PDE10A: variants seen among roughly 807,000 people sequenced by gnomAD.
The protein encoded by PDE10A is phosphodiesterase 10A, also known as cAMP and cAMP-inhibited cGMP 3',5'-cyclic phosphodiesterase 10A.
In PDE10A, 39 loss-of-function variants were observed where a neutral mutation model predicts 97.7. The ratio of observed to expected loss-of-function variants is 0.40; its 90% CI spans 0.31 to 0.52. The LOEUF (loss-of-function observed/expected upper bound fraction) is 0.52, where lower values mean the gene tolerates loss of function less well. Ranked by LOEUF, PDE10A falls within the 20% of genes least tolerant of loss-of-function variation. The pLI, the probability that PDE10A is intolerant of heterozygous loss-of-function variation, is 0.56. For missense variants in PDE10A, 731 were observed against 1,047.8 expected (o/e 0.70, Z 4.17); for synonymous variants, 371 against 376.8 (o/e 0.98, Z 0.18).
At chr6:165,457,406 G>A (rs1434473141) in intron 3 of PDE10A, among the ~76,000 whole-genome samples, 1 of 152,060 alleles carries the variant, frequency 6.6e-6, no homozygotes, top group Non-Finnish European at 1.5e-5. Flanking sequence ...TTCATATTCT[G>A]TTCCACGCTG....
At chr6:165,769,474 G>C (rs1777947442) in intron 1 of PDE10A, among the ~76,000 whole-genome samples, 1 of 152,136 alleles carries the variant, frequency 6.6e-6, no homozygotes, top group Non-Finnish European at 1.5e-5. Flanking sequence ...TTGTATTGGT[G>C]AATTTAAACA....
rs76567961 is a variant in PDE10A at position 165,515,149 on chromosome 6, T to C, written c.994+28291A>G. 7.1e-4 allele frequency among the ~76,000 whole-genome samples: 108 copies of C among 152,316 alleles called. 1 individual carries two copies. The East Asian group carries it at 0.018, about 26-fold the overall frequency. On this transcript the variant is annotated intron_variant, in intron 2 of 21. Coordinates refer to ENST00000539869, the MANE Select transcript of PDE10A (RefSeq NM_001385079.1). ...CTTATATTCTCTCAGGAGTGAACAC[T>C]ATATTTTTCAGAAGCTACTTAATGC... is the stretch of plus-strand genomic sequence containing the variant.
chr6:165,550,416 C>A (rs1006975232), intron 1 of PDE10A, among the ~76,000 whole-genome samples: 3 of 152,124 alleles, frequency 2.0e-5, no homozygotes, highest in Admixed American at 1.3e-4. Flanking sequence ...CAGTGTCAGT[C>A]CAACTGTAAG....
rs977562078 is a variant in PDE10A at position 165,392,703 on chromosome 6, T to C, written c.2397A>G (p.Val799=). 21 of 1,613,802 alleles carry C rather than the reference T, an allele frequency of 1.3e-5. No homozygotes were observed. The highest frequency in any genetic ancestry group is 1.7e-5 in the Non-Finnish European group (20 of 1,179,806). The change falls in exon 16 of 22, where the codon GTA becomes GTG. Residue 799 remains valine (V), a synonymous_variant. Transcript: ENST00000539869. ...GAAGTATGGCATACATGCAGTGTGC[T>C]ACAGTGACCGCATGCTTCCAGTTGT... ...PYHNWKHAVT[V]AHCMYAILQN... is the part of the protein sequence containing the mutation.
chr6:165,958,733 A>G (rs1420282744), intron 1 of PDE10A, among the ~76,000 whole-genome samples: 1 of 14,242 alleles, frequency 7.0e-5, no homozygotes, highest in Non-Finnish European at 1.3e-4. Context: ...GAAAGAAAGA[A>G]AGAAAGAAAG....
chr6:165,642,523 G>A (rs762341829), intron 1 of PDE10A, among the ~76,000 whole-genome samples: 2 of 152,232 alleles, frequency 1.3e-5, no homozygotes, highest in African/African-American at 2.4e-5. Flanking sequence ...GCACTGAGGT[G>A]TATATAGCCC....
At chr6:165,415,480 T>G (rs1322403856) in intron 12 of PDE10A, among the ~76,000 whole-genome samples, 3 of 152,206 alleles carry the variant, frequency 2.0e-5, no homozygotes, top group African/African-American at 7.2e-5. Flanking sequence ...AGCGATTTAT[T>G]AAAATCAAAT....
chr6:165,405,152 G>T (rs186290337), intron 13 of PDE10A, among the ~76,000 whole-genome samples: 1 of 152,218 alleles, frequency 6.6e-6, no homozygotes, highest in Non-Finnish European at 1.5e-5. Flanking sequence ...GAGAAAGTAG[G>T]GGCATTGGAA....
chr6:165,553,302 C>T (rs900240642), intron 1 of PDE10A, among the ~76,000 whole-genome samples: 8 of 151,852 alleles, frequency 5.3e-5, no homozygotes, highest in South Asian at 2.1e-4. Flanking sequence ...AGGTGACAGA[C>T]GTAAACAGTT....
At chr6:165,575,218 G>A (rs907287757) in intron 1 of PDE10A, among the ~76,000 whole-genome samples, 3 of 152,110 alleles carry the variant, frequency 2.0e-5, no homozygotes, top group Admixed American at 6.5e-5. Context: ...CCAATCATTC[G>A]AGTTTTGTGA....
chr6:165,492,772 A>C (rs1780302484), intron 2 of PDE10A, among the ~76,000 whole-genome samples: 1 of 152,190 alleles, frequency 6.6e-6, no homozygotes. Context: ...CCTTCTGAGA[A>C]CTGGAACAAG....
At chr6:165,519,256 G>T (rs993590321) in intron 2 of PDE10A, among the ~76,000 whole-genome samples, 7 of 151,966 alleles carry the variant, frequency 4.6e-5, no homozygotes, top group African/African-American at 1.7e-4. Context: ...CCAAGAGGAA[G>T]AATAAACAGA....
chr6:165,959,274 C>T (rs567102878), intron 1 of PDE10A, among the ~76,000 whole-genome samples: 6 of 152,170 alleles, frequency 3.9e-5, no homozygotes, highest in Non-Finnish European at 4.4e-5. Flanking sequence ...CAGCAAGAGG[C>T]GATTTCCTCT....
chr6:165,823,209 C>T (rs1044760464), intron 1 of PDE10A, among the ~76,000 whole-genome samples: 2 of 151,528 alleles, frequency 1.3e-5, no homozygotes, highest in Non-Finnish European at 2.9e-5. Flanking sequence ...ACATGCTGTA[C>T]AAAATATTTT....
intron 1 of PDE10A, among the ~76,000 whole-genome samples, chr6:165,617,354 T>TA (rs764649184): frequency 2.6e-5 from 4 of 152,122 alleles, no homozygotes; most frequent in Non-Finnish European, 5.9e-5. Flanking sequence ...TTTAAAAAAA[T>TA]AAAAAATTGA....
intron 1 of PDE10A, among the ~76,000 whole-genome samples, chr6:165,678,625 G>A (rs1413354794): frequency 6.6e-6 from 1 of 151,944 alleles, no homozygotes; most frequent in Non-Finnish European, 1.5e-5. Flanking sequence ...CATGCCACCC[G>A]GTCCCCAGCC....
chr6:165,762,642 A>G (rs1255953057), intron 1 of PDE10A, among the ~76,000 whole-genome samples: 2 of 152,232 alleles, frequency 1.3e-5, no homozygotes, highest in Non-Finnish European at 2.9e-5. Context: ...TATAACACAG[A>G]TATGTAATGA....
chr6:165,602,128 T>C (rs1786985960), intron 1 of PDE10A, among the ~76,000 whole-genome samples: 1 of 152,212 alleles, frequency 6.6e-6, no homozygotes, highest in South Asian at 2.1e-4. Flanking sequence ...CTCCATGGGC[T>C]TGGACAGTGG....
intron 1 of PDE10A, among the ~76,000 whole-genome samples, chr6:165,893,918 G>A (rs529040901): frequency 6.7e-6 from 1 of 149,274 alleles, no homozygotes; most frequent in South Asian, 2.1e-4. Flanking sequence ...GTGCTTAGTT[G>A]ACCCATTCAT....
Sources: allele counts gnomAD v4.1 joint callset (sites outside exome capture counted in the v4.1 genomes callset), GRCh38; gene constraint gnomAD v4.1.1; transcripts MANE v1.5; gene names NCBI Gene and HGNC (gene_info 2026-07-23, HGNC 2026-07-21).